GALNT18: variants seen among roughly 807,000 people sequenced by gnomAD.
GALNT18 encodes GalNAc-transferase 18.
In GALNT18, 44 loss-of-function variants were observed where a neutral mutation model predicts 69.5. That is an observed-to-expected ratio of 0.63 (90% CI 0.50 to 0.81). The LOEUF (loss-of-function observed/expected upper bound fraction) is 0.81. Among genes scored for constraint, GALNT18 ranks in the 40% least tolerant of loss-of-function variants. The pLI is 0.00. For synonymous variants in GALNT18, 364 were observed against 318.2 expected, an observed-to-expected ratio of 1.14 and a Z score of -1.53; for missense variants, 715 against 810.0, an observed-to-expected ratio of 0.88 and a Z score of 1.42.
chr11:11,343,013 T>G (rs1850237936), intron 6 of GALNT18, among the ~76,000 whole-genome samples: 1 of 152,150 alleles, frequency 6.6e-6, no homozygotes, highest in African/African-American at 2.4e-5. Context: ...TGTGAGGCAG[T>G]TATTATGCCC....
Position 11,432,573 on chromosome 11 carries a change from T to G in GALNT18, c.595+48A>C. The G allele has an allele frequency of 6.4e-7, 1 of 1,552,376 alleles. No individual in the cohort carries two copies. Among genetic ancestry groups the G allele is most frequent in the Non-Finnish European group, 8.8e-7 (1 of 1,141,340 alleles). On this transcript the variant is annotated intron_variant, in intron 3 of 10. Coordinates refer to ENST00000227756, the MANE Select transcript of GALNT18 (RefSeq NM_198516.3). The surrounding 1 kb of genome is among the most constrained non-coding windows in gnomAD (Gnocchi z 5.8). ...CACGACGCTGAACCATCAGCTTAGA[T>G]GTCAGCCAGGAAGTAGGGCCTGGGC...
rs1856515299 is a variant in GALNT18 at position 11,480,987 on chromosome 11, G to A, written c.236-32051C>T. 6.6e-6 allele frequency among the ~76,000 whole-genome samples: 1 copy of A among 152,164 alleles called. No homozygotes were observed. The highest frequency in any genetic ancestry group is 1.5e-5 in the Non-Finnish European group (1 of 68,028). On this transcript the variant is annotated intron_variant, in intron 1 of 10. Transcript: ENST00000227756. The surrounding 1 kb of genome is among the most constrained non-coding windows in gnomAD (Gnocchi z 4.6). ...TTTGTGGACACATCCCAGGACTGATGTGCCATAGGAAATGCTGTCTTCCAT... is the reference window on the plus strand; with the variant it reads ...TTTGTGGACACATCCCAGGACTGATATGCCATAGGAAATGCTGTCTTCCAT...
chr11:11,283,019 G>T (rs1016916756), intron 10 of GALNT18, among the ~76,000 whole-genome samples: 1 of 152,152 alleles, frequency 6.6e-6, no homozygotes, highest in African/African-American at 2.4e-5. Flanking sequence ...ATCTCAGCAA[G>T]GGCAAGGAGG....
chr11:11,372,832 ACAGCTGCCATCCTGGGAT>A lies in GALNT18; in HGVS notation c.978-221_978-204del, dbSNP rs1850944550. On this transcript the variant is annotated intron_variant, in intron 5 of 10. Transcript: ENST00000227756. This position sits in a 1 kb window ranked among gnomAD's most constrained non-coding sequence, Gnocchi z 4.9. ...GCTGTTTCATCCGGGCAGTGGGTAG[ACAGCTGCCATCCTGGGAT>A]CAGCTATTAGTGGGGTGGTGCTTGT... Among the ~76,000 whole-genome samples, 1 of 152,184 alleles carries A rather than the reference ACAGCTGCCATCCTGGGAT, an allele frequency of 6.6e-6. No homozygotes were observed. Among genetic ancestry groups the A allele is most frequent in the Admixed American group, 6.5e-5 (1 of 15,286 alleles).
chr11:11,571,134 C>A (rs144758928), intron 1 of GALNT18, among the ~76,000 whole-genome samples: 97 of 152,330 alleles, frequency 6.4e-4, no homozygotes, highest in African/African-American at 2.3e-3. Flanking sequence ...CAGTCTTATT[C>A]TTTCCATTTT....
At chr11:11,299,053 G>C (rs905568473) in intron 9 of GALNT18, among the ~76,000 whole-genome samples, 7 of 152,180 alleles carry the variant, frequency 4.6e-5, no homozygotes, top group East Asian at 3.9e-4. Context: ...TGGGGAACAA[G>C]TGGTGTTCGG....
At chr11:11,401,607 T>G (rs1196610352) in intron 3 of GALNT18, among the ~76,000 whole-genome samples, 3 of 152,256 alleles carry the variant, frequency 2.0e-5, no homozygotes, top group African/African-American at 7.2e-5. Context: ...TACTAGGGAA[T>G]AGCCCCTTCT....
chr11:11,284,744 TC>T (rs543179136), intron 10 of GALNT18, among the ~76,000 whole-genome samples: 68 of 152,252 alleles, frequency 4.5e-4, no homozygotes, highest in African/African-American at 1.6e-3. Flanking sequence ...CTCAGGAGTT[TC>T]TAGGTTAAGT....
intron 1 of GALNT18, among the ~76,000 whole-genome samples, chr11:11,478,237 A>C (rs2133864603): frequency 6.6e-6 from 1 of 152,400 alleles, no homozygotes; most frequent in East Asian, 1.9e-4. Context: ...CAGCACCTTC[A>C]AAATTCCAGA....
At chr11:11,412,648 A>C (rs932411238) in intron 3 of GALNT18, among the ~76,000 whole-genome samples, 1 of 151,886 alleles carries the variant, frequency 6.6e-6, no homozygotes, top group East Asian at 1.9e-4. Context: ...GACACAGTCA[A>C]TATCCCAAGG....
At chr11:11,304,678 C>T (rs4910312) in intron 9 of GALNT18, among the ~76,000 whole-genome samples, 93,088 of 152,112 alleles carry the variant, frequency 0.61, 29,301 homozygotes, top group Admixed American at 0.75. Context: ...GATGCTTCTT[C>T]CTGTATTCCC....
In GALNT18 at chr11:11,318,693, T is replaced by C. The variant is rs927410450; in HGVS notation, c.1512+8393A>G. ...CCCATAAGAGTCACTGAGTCACTAG[T>C]GGCCTGGAGTGTCCCTCGACCTTCA... On this transcript the variant is annotated intron_variant, in intron 9 of 10. Transcript: ENST00000227756. The surrounding 1 kb of genome is among the most constrained non-coding windows in gnomAD (Gnocchi z 5.1). 2.0e-5 allele frequency among the ~76,000 whole-genome samples: 3 copies of C among 152,204 alleles called. No homozygotes were observed. The highest frequency in any genetic ancestry group is 6.5e-5 in the Admixed American group (1 of 15,276).
At chr11:11,551,372 A>G (rs1182235763) in intron 1 of GALNT18, among the ~76,000 whole-genome samples, 2 of 152,134 alleles carry the variant, frequency 1.3e-5, no homozygotes, top group Non-Finnish European at 2.9e-5. Context: ...CCACTGCCTT[A>G]GCCTGCGCTC....
chr11:11,307,127 A>C (rs978242428), intron 9 of GALNT18, among the ~76,000 whole-genome samples: 33 of 152,238 alleles, frequency 2.2e-4, no homozygotes, highest in African/African-American at 7.5e-4. Context: ...AGACTAGCAG[A>C]AGATAAGGCC....
At chr11:11,302,677 G>C (rs180945193) in intron 9 of GALNT18, among the ~76,000 whole-genome samples, 116 of 152,372 alleles carry the variant, frequency 7.6e-4, no homozygotes, top group African/African-American at 2.7e-3. Context: ...AATTGGGCTT[G>C]GCTCAGGGAA....
chr11:11,358,841 A>ACT, intron 6 of GALNT18, among the ~76,000 whole-genome samples: 1 of 125,120 alleles, frequency 8.0e-6, no homozygotes, highest in African/African-American at 3.2e-5. Flanking sequence ...ACACACACAC[A>ACT]CACACACACA....
At chr11:11,427,353 T>C (rs1462425206) in intron 3 of GALNT18, among the ~76,000 whole-genome samples, 1 of 152,176 alleles carries the variant, frequency 6.6e-6, no homozygotes, top group Non-Finnish European at 1.5e-5. Context: ...CCTCAGTTCC[T>C]GTGTTTGAGG....
intron 7 of GALNT18, among the ~76,000 whole-genome samples, chr11:11,335,896 G>T (rs569271971): frequency 6.6e-6 from 1 of 152,296 alleles, no homozygotes; most frequent in South Asian, 2.1e-4. Context: ...AGCTCTGCTG[G>T]CACCTGAATG....
chr11:11,588,182 T>C (rs1859271250), intron 1 of GALNT18, among the ~76,000 whole-genome samples: 1 of 152,112 alleles, frequency 6.6e-6, no homozygotes. Context: ...CAACCTTCCC[T>C]CACACTTTCT....
Sources: allele counts gnomAD v4.1 joint callset (sites outside exome capture counted in the v4.1 genomes callset), GRCh38; gene constraint gnomAD v4.1.1; non-coding constraint Gnocchi (gnomAD v3.1); transcripts MANE v1.5; gene names NCBI Gene and HGNC (gene_info 2026-07-23, HGNC 2026-07-21).